RYR3: variants seen among roughly 807,000 people sequenced by gnomAD.
RYR3 encodes the protein ryanodine receptor 3, also known as brain ryanodine receptor-calcium release channel.
A neutral mutation model predicts 584.3 loss-of-function variants in RYR3; 207 were observed. That is an observed-to-expected ratio of 0.35 (90% CI 0.32 to 0.40). The LOEUF is 0.40. Among genes scored for constraint, RYR3 ranks in the 10% least tolerant of loss-of-function variants. The probability of loss-of-function intolerance (pLI) is 1.00; values close to 1 mark genes in which losing one functional copy is unlikely to be tolerated. For synonymous variants in RYR3, 2,416 were observed against 2,248.5 expected (o/e 1.07, Z -2.11); for missense variants, 5,616 against 6,089.2 (o/e 0.92, Z 2.59).
intron 38 of RYR3, among the ~76,000 whole-genome samples, chr15:33,686,228 A>G (rs888949164): frequency 3.9e-5 from 6 of 152,222 alleles, no homozygotes; most frequent in African/African-American, 1.4e-4. Flanking sequence ...GCAATAAAAA[A>G]TCGTAAAGGG....
At chr15:33,534,515 A>G (rs572816769) in intron 5 of RYR3, among the ~76,000 whole-genome samples, 22 of 152,174 alleles carry the variant, frequency 1.4e-4, no homozygotes, top group Non-Finnish European at 2.5e-4. Context: ...ATGGATTATT[A>G]TTATTTTTTT....
Position 33,838,413 on chromosome 15 carries a change from G to T in RYR3, c.12433G>T (p.Ala4145Ser). 1 of 1,614,044 alleles carries T rather than the reference G, an allele frequency of 6.2e-7. No individual in the cohort carries two copies. Among genetic ancestry groups the T allele is most frequent in the Non-Finnish European group, 8.5e-7 (1 of 1,179,902 alleles). The change falls in exon 89 of 104, where the codon GCC (alanine) becomes TCC (serine). Residue 4145 changes from alanine (A) to serine (S), a missense_variant. Transcript: ENST00000634891. ...SLEPASAFAM[A>S]CASVKRNVTD... ...TGAGCCGGCCTCTGCATTTGCTATG[G>T]CCTGTGCCTCTGTGAAGAGGAATGT...
At chr15:33,520,727 A>G (rs1022920368) in intron 3 of RYR3, among the ~76,000 whole-genome samples, 2 of 146,284 alleles carry the variant, frequency 1.4e-5, no homozygotes, top group Non-Finnish European at 3.1e-5. Context: ...AACATGTGTT[A>G]GGGTTGCCAT....
At chr15:33,857,758 T>G (rs2153008073) in intron 98 of RYR3, 22 bp from the exon 99 acceptor site, 1 of 1,613,632 alleles carries the variant, frequency 6.2e-7, no homozygotes, top group Non-Finnish European at 8.5e-7. Flanking sequence ...TCCTTTTCCT[T>G]TCTCTGTCCT....
chr15:33,717,963 G>A (rs1465062467), intron 43 of RYR3, among the ~76,000 whole-genome samples: 4 of 152,164 alleles, frequency 2.6e-5, no homozygotes, highest in Non-Finnish European at 4.4e-5. Flanking sequence ...AGGCTGGAAG[G>A]CCCTAAAAAG....
At chr15:33,766,232 G>A (rs1292987282) in intron 60 of RYR3, among the ~76,000 whole-genome samples, 3 of 150,408 alleles carry the variant, frequency 2.0e-5, no homozygotes, top group South Asian at 2.1e-4. Flanking sequence ...GCAGTGAGCC[G>A]AGATGGCACC....
Position 33,738,719 on chromosome 15 carries a change from C to T in RYR3, c.7656+129C>T, listed in dbSNP as rs527335884. 2.6e-5 allele frequency: 25 copies of T among 971,736 alleles called. No homozygotes were observed. In the African/African-American group the frequency reaches 2.6e-4, roughly 10 times the overall value. 60.2% of individuals were successfully genotyped at this position (971,736 alleles called of 1,614,324 possible). ...TGCTAAGTACTTCACAAGCATATTA[C>T]GCCAATCCTTGCCCATCTCTCTGAA... On this transcript the variant is annotated intron_variant, in intron 50 of 103. Transcript: ENST00000634891.
intron 15 of RYR3, 63 bp downstream of exon 15, chr15:33,584,553 A>G (rs2058748761): frequency 2.7e-6 from 2 of 744,900 alleles, no homozygotes; most frequent in South Asian, 1.7e-5. Flanking sequence ...TTTCTGTAAA[A>G]AAAGAAAACA....
chr15:33,448,276 C>CTT (rs2046834830), intron 1 of RYR3, among the ~76,000 whole-genome samples: 1 of 152,152 alleles, frequency 6.6e-6, no homozygotes, highest in Admixed American at 6.5e-5. Flanking sequence ...TTCATGACTG[C>CTT]TTTTTGCTCC....
Position 33,616,205 on chromosome 15 carries a change from G to C in RYR3, c.2357+2830G>C, listed in dbSNP as rs574098817. Among the ~76,000 whole-genome samples, 5 of 152,328 alleles carry C rather than the reference G, an allele frequency of 3.3e-5. No homozygotes were observed. In the East Asian group the frequency reaches 9.6e-4, roughly 29 times the overall value. The stretch of plus-strand genomic sequence containing the variant: ...TAGGCAAATTTAGATCTATGGAGAA[G>C]GGATCTTCTCCAGTCTACTAGCTAA... On this transcript the variant is annotated intron_variant, in intron 19 of 103. Coordinates refer to ENST00000634891, the MANE Select transcript of RYR3 (RefSeq NM_001036.6).
At chr15:33,639,395 C>T (rs1445494134) in intron 27 of RYR3, among the ~76,000 whole-genome samples, 2 of 152,200 alleles carry the variant, frequency 1.3e-5, no homozygotes, top group East Asian at 1.9e-4. Context: ...ATAAGGAAGT[C>T]GACATGCCAT....
At chr15:33,715,626 A>G (rs2067438651) in intron 43 of RYR3, among the ~76,000 whole-genome samples, 1 of 152,158 alleles carries the variant, frequency 6.6e-6, no homozygotes, top group African/African-American at 2.4e-5. Flanking sequence ...ACAGAAATTT[A>G]TTTCTCACAG....
intron 64 of RYR3, 148 bp downstream of exon 64, chr15:33,773,763 G>A: frequency 1.5e-6 from 1 of 653,826 alleles, no homozygotes; most frequent in African/African-American, 1.8e-5. Context: ...TTTATGACAT[G>A]CTTTTGGCAA....
chr15:33,335,187 CA>C (rs1970813580), intron 1 of RYR3, among the ~76,000 whole-genome samples: 1 of 152,116 alleles, frequency 6.6e-6, no homozygotes, highest in East Asian at 1.9e-4. Context: ...GGCATATACT[CA>C]AAGGAATATA....
chr15:33,680,277 A>G (rs2064492277), intron 38 of RYR3, among the ~76,000 whole-genome samples: 1 of 152,202 alleles, frequency 6.6e-6, no homozygotes, highest in Non-Finnish European at 1.5e-5. Context: ...TCATCTCCAC[A>G]TTTATCTTTT....
chr15:33,585,812 C>A (rs1312575414), intron 15 of RYR3, among the ~76,000 whole-genome samples, 186 bp from the exon 16 acceptor site: 1 of 152,162 alleles, frequency 6.6e-6, no homozygotes, highest in Non-Finnish European at 1.5e-5. Context: ...CTGGTTGGCC[C>A]CCAGGGGGCT....
In RYR3 at chr15:33,635,659, T is replaced by G. The variant is rs912734216; in HGVS notation, c.3221T>G (p.Phe1074Cys). The stretch of plus-strand genomic sequence containing the variant: ...GTCAGCATAGACAAGATCCGATTTT[T>G]CCGGGTAGAGCGATCTTATGCAGTG... The part of the protein sequence containing the change: ...EKVSIDKIRF[F>C]RVERSYAVRS... The change falls in exon 26 of 104, where the codon TTC (phenylalanine) becomes TGC (cysteine). Residue 1074 changes from phenylalanine to cysteine, a missense_variant. Phe to Cys is a radical substitution (Grantham distance 205). Around this residue, in one of 9 missense-constraint regions of RYR3, gnomAD observed 1,284 missense variants for 1,344.6 expected, o/e 0.95. Transcript: ENST00000634891. The G allele has an allele frequency of 6.2e-7, 1 of 1,613,994 alleles. No homozygotes were observed. Among genetic ancestry groups the G allele is most frequent in the Admixed American group, 1.7e-5 (1 of 60,020 alleles).
At chr15:33,853,760 A>G (rs117619718) in intron 96 of RYR3, 78 bp downstream of exon 96, 10 of 1,532,462 alleles carry the variant, frequency 6.5e-6, no homozygotes, top group Admixed American at 5.7e-5. Flanking sequence ...AAAAATCACA[A>G]CCGTGTCTTT....
At chr15:33,550,086 G>GA in intron 9 of RYR3, 74 bp from the exon 10 acceptor site, 4 of 1,461,156 alleles carry the variant, frequency 2.7e-6, no homozygotes, top group Non-Finnish European at 3.7e-6. Context: ...GCATGTGTAA[G>GA]AAAGCATAGG....
Sources: allele counts gnomAD v4.1 joint callset (sites outside exome capture counted in the v4.1 genomes callset), GRCh38; gene constraint gnomAD v4.1.1; regional missense constraint gnomAD v4.1.1; transcripts MANE v1.5; gene names NCBI Gene and HGNC (gene_info 2026-07-23, HGNC 2026-07-21).